The following ROBO1 variants were observed in gnomAD, a reference collection of about 807,000 sequenced individuals.
ROBO1 encodes the protein roundabout guidance receptor 1, also known as roundabout homolog 1.
A neutral mutation model predicts 195.9 loss-of-function variants in ROBO1; 149 were observed. The ratio of observed to expected loss-of-function variants is 0.76; its 90% CI spans 0.67 to 0.87. The LOEUF is 0.87. Ranked by LOEUF, ROBO1 falls within the 40% of genes least tolerant of loss-of-function variation. The probability of loss-of-function intolerance (pLI) is 0.00; values close to 1 mark genes in which losing one functional copy is unlikely to be tolerated. For missense variants in ROBO1, 1,933 were observed against 2,068.3 expected, an observed-to-expected ratio of 0.93 and a Z score of 1.27; for synonymous variants, 816 against 733.2, an observed-to-expected ratio of 1.11 and a Z score of -1.82.
intron 2 of ROBO1, among the ~76,000 whole-genome samples, chr3:79,260,446 A>G (rs2082918799): frequency 6.6e-6 from 1 of 152,098 alleles, no homozygotes; most frequent in Non-Finnish European, 1.5e-5. Flanking sequence ...AAATTATGAA[A>G]AATAAAATTT....
intron 3 of ROBO1, among the ~76,000 whole-genome samples, chr3:79,054,872 C>T (rs1335102235): frequency 1.3e-5 from 2 of 152,088 alleles, no homozygotes; most frequent in African/African-American, 2.4e-5. Context: ...ACCAACATTG[C>T]GTTTCCACTT....
intron 26 of ROBO1, among the ~76,000 whole-genome samples, chr3:78,621,465 T>A (rs1017637954): frequency 6.6e-6 from 1 of 152,210 alleles, no homozygotes; most frequent in Non-Finnish European, 1.5e-5. Context: ...AGCAAATACA[T>A]CTTCATGTAA....
intron 3 of ROBO1, among the ~76,000 whole-genome samples, chr3:79,075,521 G>A (rs6771169): frequency 6.6e-6 from 1 of 152,014 alleles, no homozygotes; most frequent in East Asian, 1.9e-4. Context: ...CACAAGTAAT[G>A]GTGTTTAGAG....
At chr3:79,424,472 C>T (rs1439018846) in intron 2 of ROBO1, among the ~76,000 whole-genome samples, 1 of 151,840 alleles carries the variant, frequency 6.6e-6, no homozygotes, top group East Asian at 1.9e-4. Flanking sequence ...TGAAAATGAC[C>T]TATTAGTCAT....
intron 2 of ROBO1, among the ~76,000 whole-genome samples, chr3:79,186,945 G>T (rs539225298): frequency 6.6e-6 from 1 of 152,226 alleles, no homozygotes; most frequent in East Asian, 1.9e-4. Flanking sequence ...CTTTACTGCA[G>T]AAATGCATTA....
intron 2 of ROBO1, among the ~76,000 whole-genome samples, chr3:79,333,639 G>A (rs2034542076): frequency 6.6e-6 from 1 of 152,086 alleles, no homozygotes; most frequent in African/African-American, 2.4e-5. Flanking sequence ...ACACTATCCT[G>A]AAGTTGTTCC....
Position 79,658,573 on chromosome 3 carries a change from A to T in ROBO1, c.-50-68612T>A, listed in dbSNP as rs575813607. Among the ~76,000 whole-genome samples the T allele has an allele frequency of 2.0e-5, 3 of 151,894 alleles. No individual in the cohort carries two copies. In the South Asian group the frequency reaches 6.2e-4, roughly 32 times the overall value. On this transcript the variant is annotated intron_variant, in intron 1 of 30. Transcript: ENST00000464233. ...TTGACAGCTAAAGTGGTATTTATGT[A>T]TTTATTTTACTTTTTTATTTTTAAT...
In ROBO1 at chr3:79,214,681, T is replaced by C. The variant is rs915363521; in HGVS notation, c.89-89142A>G. The stretch of plus-strand genomic sequence containing the variant: ...AGGCATGAAGGTCCAGTGCTGGTGC[T>C]TTTATTTCTGATTACCGTTTCTGTT... On this transcript the variant is annotated intron_variant, in intron 2 of 30. Coordinates refer to ENST00000464233, the MANE Select transcript of ROBO1 (RefSeq NM_002941.4). 4.0e-5 allele frequency among the ~76,000 whole-genome samples: 6 copies of C among 151,428 alleles called. No homozygotes were observed. The Admixed American group carries it at 4.0e-4, about 10-fold the overall frequency.
intron 1 of ROBO1, among the ~76,000 whole-genome samples, chr3:79,727,938 C>T (rs758138262): frequency 2.6e-5 from 4 of 152,012 alleles, no homozygotes; most frequent in South Asian, 4.2e-4. Context: ...TGTATAGCAA[C>T]CTGCTTTTTA....
chr3:79,169,385 T>C (rs2081128452), intron 2 of ROBO1, among the ~76,000 whole-genome samples: 1 of 152,090 alleles, frequency 6.6e-6, no homozygotes, highest in African/African-American at 2.4e-5. Context: ...AAATAATTAC[T>C]TGTTGAGATT....
intron 4 of ROBO1, among the ~76,000 whole-genome samples, chr3:78,929,647 C>A (rs536526254): frequency 6.6e-6 from 1 of 151,954 alleles, no homozygotes; most frequent in African/African-American, 2.4e-5. Flanking sequence ...GGATTACAGG[C>A]ATGCACCACC....
At chr3:79,759,735 T>C (rs1441549245) in intron 1 of ROBO1, among the ~76,000 whole-genome samples, 2 of 152,192 alleles carry the variant, frequency 1.3e-5, no homozygotes, top group East Asian at 3.9e-4. Flanking sequence ...AACATTGTGA[T>C]GATTCAGTGA....
At position 78,617,996 on chromosome 3, in the gene ROBO1, A is replaced by C. The variant is rs745464798; in HGVS notation, c.3921T>G (p.Pro1307=). 6 of 1,613,652 alleles carry C rather than the reference A, an allele frequency of 3.7e-6. No individual in the cohort carries two copies. The Admixed American group carries it at 6.7e-5, about 18-fold the overall frequency. The change falls in exon 27 of 31, where the codon CCT becomes CCG. Residue 1307 remains proline (P), a synonymous_variant. Transcript: ENST00000464233. ...SPPPPPRPIS[P]PHTYGYISGP... The stretch of plus-strand genomic sequence containing the variant: ...CTGAAATGTAGCCATAGGTATGTGG[A>C]GGGGAGATCGGCCGTGGTGGTGGAG...
intron 1 of ROBO1, among the ~76,000 whole-genome samples, chr3:79,660,079 C>T (rs1040301761): frequency 6.6e-6 from 1 of 151,856 alleles, no homozygotes; most frequent in Non-Finnish European, 1.5e-5. Context: ...CCTCACTAGG[C>T]CTCAGCTAGG....
At chr3:78,944,990 GT>G (rs2040345510) in intron 3 of ROBO1, among the ~76,000 whole-genome samples, 1 of 152,156 alleles carries the variant, frequency 6.6e-6, no homozygotes, top group Non-Finnish European at 1.5e-5. Flanking sequence ...TGCCGAGTTA[GT>G]TGTTTGATTA....
intron 2 of ROBO1, among the ~76,000 whole-genome samples, chr3:79,385,515 A>G (rs1474760485): frequency 6.6e-6 from 1 of 152,112 alleles, no homozygotes. Context: ...TTTATGTGTT[A>G]TCTTTCCGCA....
At chr3:79,455,100 C>G (rs578080419) in intron 2 of ROBO1, among the ~76,000 whole-genome samples, 1 of 151,588 alleles carries the variant, frequency 6.6e-6, no homozygotes, top group South Asian at 2.1e-4. Flanking sequence ...AAAAACTCAG[C>G]GAGTTTAGTT....
chr3:79,764,090 C>T (rs1704856913), intron 1 of ROBO1, among the ~76,000 whole-genome samples: 1 of 152,164 alleles, frequency 6.6e-6, no homozygotes, highest in African/African-American at 2.4e-5. Flanking sequence ...GCTTCATTCT[C>T]TTCATGTGTT....
At chr3:78,896,393 C>T (rs1032238739) in intron 4 of ROBO1, among the ~76,000 whole-genome samples, 8 of 151,942 alleles carry the variant, frequency 5.3e-5, no homozygotes, top group African/African-American at 1.9e-4. Flanking sequence ...GATGACATTC[C>T]ACCATTGTAA....
Sources: gnomAD v4.1 joint callset for allele counts (sites outside exome capture counted in the v4.1 genomes callset) on GRCh38, gnomAD v4.1.1 for gene constraint, MANE v1.5 for transcripts, NCBI Gene and HGNC (gene_info 2026-07-23, HGNC 2026-07-21) for gene names.